ACTN2: variants seen among roughly 807,000 people sequenced by gnomAD.
ACTN2 encodes the protein alpha-actinin-2.
ACTN2 carries 39 observed loss-of-function variants against 113.8 expected under a neutral mutation model. The ratio of observed to expected loss-of-function variants is 0.34; its 90% CI spans 0.27 to 0.45. The LOEUF (loss-of-function observed/expected upper bound fraction) is 0.45. Among genes scored for constraint, ACTN2 ranks in the 20% least tolerant of loss-of-function variants. The pLI is 1.00. For synonymous variants in ACTN2, 429 were observed against 444.1 expected (o/e 0.97, Z 0.43); for missense variants, 992 against 1,177.9 (o/e 0.84, Z 2.31).
chr1:236,735,772 G>A (rs772333639), intron 8 of ACTN2, 52 bp downstream of exon 8: 3 of 1,474,558 alleles, frequency 2.0e-6, no homozygotes, highest in Non-Finnish European at 2.8e-6. Flanking sequence ...GTTGGTTTTA[G>A]TTGTGTGTGC....
intron 1 of ACTN2, among the ~76,000 whole-genome samples, chr1:236,707,122 A>G (rs1423206171): frequency 6.6e-6 from 1 of 152,224 alleles, no homozygotes; most frequent in East Asian, 1.9e-4. Flanking sequence ...TCCCTTAATA[A>G]TAAGTTTATT....
At chr1:236,723,647 G>C (rs908109110) in intron 4 of ACTN2, among the ~76,000 whole-genome samples, 5 of 152,052 alleles carry the variant, frequency 3.3e-5, no homozygotes, top group African/African-American at 1.2e-4. Flanking sequence ...TGTATTTTTA[G>C]TAGAGATGGG....
Position 236,762,929 on chromosome 1 carries a change from G to A in ACTN2, c.*310G>A. 2 of 364,640 alleles carry A rather than the reference G, an allele frequency of 5.5e-6. No individual in the cohort carries two copies. The highest frequency in any genetic ancestry group is 1.0e-5 in the Non-Finnish European group (2 of 191,894). The allele number at this position is 364,640 out of a possible 1,614,324, so 22.6% of individuals were successfully genotyped here. The stretch of plus-strand genomic sequence containing the variant: ...GTAATAGGAAATTAGGAGGATCTAG[G>A]GACAGAAGGAAAGTGAAAAATGTGA... On this transcript the variant is annotated 3_prime_UTR_variant, in exon 21 of 21. Coordinates refer to ENST00000366578, the MANE Select transcript of ACTN2 (RefSeq NM_001103.4).
intron 6 of ACTN2, among the ~76,000 whole-genome samples, chr1:236,728,143 C>CTTT (rs11436295): frequency 6.6e-5 from 8 of 121,092 alleles, no homozygotes; most frequent in East Asian, 2.3e-4. Flanking sequence ...TAGCCCAAGC[C>CTTT]TTTTTTTTTT....
chr1:236,715,244 T>C (rs1773446), intron 1 of ACTN2, among the ~76,000 whole-genome samples: 7,999 of 151,202 alleles, frequency 0.053, 265 homozygotes, highest in Middle Eastern at 0.089. Flanking sequence ...GCCATGTTGG[T>C]GTGCTGCACC....
At chr1:236,736,553 T>A (rs1287330952) in intron 8 of ACTN2, 7 of 1,503,950 alleles carry the variant, frequency 4.7e-6, no homozygotes, top group Non-Finnish European at 6.3e-6. Flanking sequence ...TGACTTCTCA[T>A]CTAGGTTAGA....
rs141884271 is a variant in ACTN2 at position 236,757,566 on chromosome 1, A to G, written c.2235A>G (p.Arg745=). Residue 745 remains arginine, a synonymous_variant, in exon 18 of 21, where the codon AGA becomes AGG. Transcript: ENST00000366578. ...AGGTGGAGACTCAGATCCTGACGAG[A>G]GATGCGAAGGGCATCACCCAGGAGC... is the stretch of plus-strand genomic sequence containing the variant. ...INEVETQILT[R]DAKGITQEQM... The G allele has an allele frequency of 1.7e-4, 270 of 1,614,214 alleles. 1 individual carries two copies. The South Asian group carries it at 2.3e-3, about 14-fold the overall frequency.
chr1:236,733,902 G>C (rs980139483), intron 7 of ACTN2, among the ~76,000 whole-genome samples: 1 of 152,170 alleles, frequency 6.6e-6, no homozygotes, highest in African/African-American at 2.4e-5. Context: ...GTTATTTGTA[G>C]CAAAAACTGG....
At position 236,718,912 on chromosome 1, in the gene ACTN2, C is replaced by G; in HGVS notation, c.260C>G (p.Pro87Arg). 1 of 1,614,182 alleles carries G rather than the reference C, an allele frequency of 6.2e-7. No homozygotes were observed. The highest frequency in any genetic ancestry group is 8.5e-7 in the Non-Finnish European group (1 of 1,180,034). Residue 87 changes from proline to arginine, a missense_variant, in exon 3 of 21, where the codon CCT becomes CGT. Pro to Arg is a moderately radical substitution (Grantham distance 103, BLOSUM62 -2). Transcript: ENST00000366578. ...EVISGERLPK[P>R]DRGKMRFHKI... ...CCAACAGGGGAAAGGCTGCCCAAAC[C>G]TGACCGGGGAAAAATGCGGTTCCAC... is the stretch of plus-strand genomic sequence containing the variant.
chr1:236,716,824 A>G (rs1658229745), intron 1 of ACTN2, among the ~76,000 whole-genome samples: 1 of 125,998 alleles, frequency 7.9e-6, no homozygotes, highest in Non-Finnish European at 1.6e-5. Flanking sequence ...CTAAAGCAAC[A>G]CATTTTGAAC....
At chr1:236,743,172 C>T (rs1659125891) in intron 11 of ACTN2, 129 bp downstream of exon 11, 2 of 1,144,200 alleles carry the variant, frequency 1.7e-6, no homozygotes, top group Non-Finnish European at 1.3e-6. Flanking sequence ...TCACCTTTCT[C>T]TGCTCTTGTC....
chr1:236,694,924 G>A (rs1434296730), intron 1 of ACTN2, among the ~76,000 whole-genome samples: 2 of 151,938 alleles, frequency 1.3e-5, no homozygotes, highest in Non-Finnish European at 2.9e-5. Flanking sequence ...AAAATTAGCC[G>A]GTATGGTGGC....
intron 7 of ACTN2, among the ~76,000 whole-genome samples, chr1:236,735,070 T>C (rs1658826268): frequency 6.6e-6 from 1 of 152,216 alleles, no homozygotes. Context: ...AGCGGTATGG[T>C]AAGTATGTAT....
At chr1:236,717,666 G>A (rs1002652760) in intron 1 of ACTN2, among the ~76,000 whole-genome samples, 192 bp from the exon 2 acceptor site, 8 of 152,164 alleles carry the variant, frequency 5.3e-5, no homozygotes, top group Non-Finnish European at 1.0e-4. Flanking sequence ...TATCTCTAAA[G>A]TGGAAAATTT....
chr1:236,723,779 ATAAT>A (rs1658468645), intron 4 of ACTN2, among the ~76,000 whole-genome samples: 2 of 152,146 alleles, frequency 1.3e-5, no homozygotes, highest in African/African-American at 2.4e-5. Context: ...ATTTAGATAA[ATAAT>A]TACAAAATTA....
At chr1:236,725,312 A>G (rs1249434327) in intron 4 of ACTN2, among the ~76,000 whole-genome samples, 1 of 152,108 alleles carries the variant, frequency 6.6e-6, no homozygotes, top group Non-Finnish European at 1.5e-5. Flanking sequence ...ACCTCACACA[A>G]TGGGGTATAC....
Position 236,761,432 on chromosome 1 carries a change from C to CGTGTGT in ACTN2, c.2526+280_2526+285dup, listed in dbSNP as rs3831321. Among the ~76,000 whole-genome samples the CGTGTGT allele has an allele frequency of 0.044, 6,614 of 150,462 alleles. 200 individuals carry two copies. The highest frequency in any genetic ancestry group is 0.075 in the African/African-American group (3,081 of 40,910). ...AGGGACAAGAGTGTATTTGTACTTG[C>CGTGTGT]GTGTGTGTGTGTGTGTGTGTGTGTG... On this transcript the variant is annotated intron_variant, in intron 20 of 20. Coordinates refer to ENST00000366578, the MANE Select transcript of ACTN2 (RefSeq NM_001103.4).
intron 1 of ACTN2, 116 bp from the exon 2 acceptor site, chr1:236,717,742 A>G: frequency 4.0e-6 from 3 of 754,556 alleles, no homozygotes; most frequent in Non-Finnish European, 7.1e-6. Flanking sequence ...CTAGAAGCCC[A>G]AGCAGCCCCA....
intron 1 of ACTN2, among the ~76,000 whole-genome samples, chr1:236,699,175 A>T (rs923755639): frequency 2.0e-5 from 3 of 152,138 alleles, no homozygotes; most frequent in Non-Finnish European, 4.4e-5. Context: ...TTCTGCTCGG[A>T]TTTGTAACCA....
Sources: gnomAD v4.1 joint callset for allele counts (sites outside exome capture counted in the v4.1 genomes callset) on GRCh38, gnomAD v4.1.1 for gene constraint, MANE v1.5 for transcripts, NCBI Gene and HGNC (gene_info 2026-07-23, HGNC 2026-07-21) for gene names.